Variants in TAOK1 observed in about 807,000 individuals in gnomAD.
TAOK1 encodes the protein serine/threonine-protein kinase TAO1.
TAOK1 carries 21 observed loss-of-function variants against 138.3 expected under a neutral mutation model. That is an observed-to-expected ratio of 0.15 (90% confidence interval 0.11 to 0.22). The LOEUF is 0.22. Among genes scored for constraint, TAOK1 ranks in the 10% least tolerant of loss-of-function variants. The pLI is 1.00. For missense variants in TAOK1, 651 were observed against 1,227.7 expected (o/e 0.53, Z 7.02); for synonymous variants, 361 against 398.4 (o/e 0.91, Z 1.12).
intron 1 of TAOK1, among the ~76,000 whole-genome samples, chr17:29,445,919 G>A (rs2030064653): frequency 6.6e-6 from 1 of 152,002 alleles, no homozygotes. Flanking sequence ...ATTTGATAAT[G>A]AAACTGTCTA....
At chr17:29,510,342 A>G (rs918964551) in intron 14 of TAOK1, among the ~76,000 whole-genome samples, 1 of 152,220 alleles carries the variant, frequency 6.6e-6, no homozygotes, top group Non-Finnish European at 1.5e-5. Context: ...GTGCCACTGC[A>G]CTGCAGCCAG....
intron 4 of TAOK1, 58 bp from the exon 5 acceptor site, chr17:29,477,603 A>G (rs2030974029): frequency 2.0e-6 from 2 of 1,012,042 alleles, no homozygotes; most frequent in Admixed American, 4.2e-5. Context: ...TTTATCTTAA[A>G]TTTATATTAA....
intron 1 of TAOK1, among the ~76,000 whole-genome samples, chr17:29,431,696 A>G (rs985256453): frequency 3.3e-5 from 5 of 151,732 alleles, no homozygotes; most frequent in African/African-American, 7.3e-5. Context: ...CTGGAGTGCA[A>G]TGGCGCGATC....
intron 1 of TAOK1, among the ~76,000 whole-genome samples, chr17:29,403,052 T>C (rs1371026826): frequency 1.4e-5 from 2 of 147,816 alleles, no homozygotes; most frequent in East Asian, 2.1e-4. Context: ...TCCCAGCTAC[T>C]AGGGAGCCTG....
At chr17:29,490,011 G>A (rs1446315299) in intron 9 of TAOK1, among the ~76,000 whole-genome samples, 1 of 151,874 alleles carries the variant, frequency 6.6e-6, no homozygotes. Context: ...ACAAGAATTT[G>A]TATTTTACTT....
intron 1 of TAOK1, among the ~76,000 whole-genome samples, chr17:29,409,678 T>A (rs1276589377): frequency 6.6e-6 from 1 of 152,158 alleles, no homozygotes; most frequent in East Asian, 1.9e-4. Flanking sequence ...TCTTCTAAAT[T>A]AGAAACTTTG....
chr17:29,453,004 G>A (rs747991408), intron 2 of TAOK1, among the ~76,000 whole-genome samples: 7 of 152,200 alleles, frequency 4.6e-5, no homozygotes, highest in Admixed American at 2.6e-4. Flanking sequence ...GAGTGGATTT[G>A]CAGGTTCCTA....
intron 15 of TAOK1, 51 bp downstream of exon 15, chr17:29,511,043 T>A (rs1450409933): frequency 2.8e-5 from 43 of 1,531,922 alleles, no homozygotes; most frequent in Non-Finnish European, 3.7e-5. Context: ...ATTAATTATA[T>A]CCAATGGTGA....
intron 15 of TAOK1, among the ~76,000 whole-genome samples, chr17:29,516,120 C>A (rs906879018): frequency 2.0e-5 from 3 of 150,864 alleles, no homozygotes; most frequent in African/African-American, 7.3e-5. Context: ...CACCACCATG[C>A]CTGGCTAATT....
At chr17:29,539,257 G>A (rs1464821456) in intron 19 of TAOK1, among the ~76,000 whole-genome samples, 9 of 151,932 alleles carry the variant, frequency 5.9e-5, no homozygotes. Context: ...ACCAGACCCT[G>A]TCTCAGAAAA....
At chr17:29,401,194 T>C (rs1336427365) in intron 1 of TAOK1, among the ~76,000 whole-genome samples, 1 of 152,002 alleles carries the variant, frequency 6.6e-6, no homozygotes, top group African/African-American at 2.4e-5. Context: ...GTATTACAGG[T>C]GTAAGCTATT....
chr17:29,459,278 C>G (rs1427898026), intron 2 of TAOK1, among the ~76,000 whole-genome samples: 3 of 151,988 alleles, frequency 2.0e-5, no homozygotes, highest in Admixed American at 6.6e-5. Context: ...ATTGTAGTCT[C>G]TAAAGTTATG....
rs1333248884 is a variant in TAOK1, at chr17:29,390,957, G to C, written c.-162G>C. ...TCCTCCTCACTCCTCACCCTCCAGG[G>C]TAGCGGCTACCGGAGCGCTGCAGGG... On this transcript the variant is annotated 5_prime_UTR_variant, in exon 1 of 20. Transcript: ENST00000261716. 1 of 152,378 alleles carries C rather than the reference G, an allele frequency of 6.6e-6. No individual in the cohort carries two copies. The highest frequency in any genetic ancestry group is 1.5e-5 in the Non-Finnish European group (1 of 68,152). The allele number at this position is 152,378 out of a possible 1,614,324, so 9.4% of individuals were successfully genotyped here.
Position 29,475,734 on chromosome 17 carries a change from A to G in TAOK1, c.269A>G (p.Glu90Gly). Reference sequence around the variant, plus strand: ...AGAATAAAACATCCCAACAGTATAGAATACAAAGGCTGTTATTTACGTGAA... The same window carrying G: ...AGAATAAAACATCCCAACAGTATAGGATACAAAGGCTGTTATTTACGTGAA... ...LQRIKHPNSIEYKGCYLREHT... is the reference protein window; with the variant it reads ...LQRIKHPNSIGYKGCYLREHT... The change falls in exon 4 of 20, where the codon GAA (glutamate) becomes GGA (glycine). Residue 90 changes from glutamate (E) to glycine (G), a missense_variant. This residue lies in a region of TAOK1 where 116 missense variants were observed against 213.9 expected (regional missense o/e 0.54). Coordinates refer to ENST00000261716, the MANE Select transcript of TAOK1 (RefSeq NM_020791.4). 6.2e-7 allele frequency: 1 copy of G among 1,613,376 alleles called. No individual in the cohort carries two copies. The highest frequency in any genetic ancestry group is 8.5e-7 in the Non-Finnish European group (1 of 1,179,732).
intron 8 of TAOK1, among the ~76,000 whole-genome samples, chr17:29,485,244 TA>T (rs2031146326): frequency 6.6e-6 from 1 of 152,182 alleles, no homozygotes; most frequent in African/African-American, 2.4e-5. Flanking sequence ...ATATAATCTT[TA>T]TAAAAATATA....
intron 13 of TAOK1, among the ~76,000 whole-genome samples, chr17:29,503,325 G>A (rs1372582181): frequency 6.7e-6 from 1 of 149,660 alleles, no homozygotes; most frequent in Admixed American, 6.7e-5. Flanking sequence ...GAACCTGGGA[G>A]GCAGAGCTTG....
chr17:29,509,501 A>G (rs1182344581), intron 14 of TAOK1, among the ~76,000 whole-genome samples: 4 of 151,970 alleles, frequency 2.6e-5, no homozygotes, highest in Non-Finnish European at 5.9e-5. Flanking sequence ...CACACTTGAT[A>G]GATATTATTT....
intron 1 of TAOK1, among the ~76,000 whole-genome samples, chr17:29,419,929 G>A (rs1057194808): frequency 1.3e-4 from 20 of 151,970 alleles, no homozygotes; most frequent in African/African-American, 4.6e-4. Flanking sequence ...GCCCAAGCTC[G>A]AGTGCAGTGA....
At chr17:29,397,730 C>CAT (rs1240751227) in intron 1 of TAOK1, among the ~76,000 whole-genome samples, 5 of 89,030 alleles carry the variant, frequency 5.6e-5, no homozygotes, top group East Asian at 5.9e-4. Flanking sequence ...TATGTATATA[C>CAT]ATATATACAC....
Sources: gnomAD v4.1 joint callset for allele counts (sites outside exome capture counted in the v4.1 genomes callset) on GRCh38, gnomAD v4.1.1 for gene constraint, gnomAD v4.1.1 regional missense constraint, MANE v1.5 for transcripts, NCBI Gene and HGNC (gene_info 2026-07-23, HGNC 2026-07-21) for gene names.